The following ZC3H12B variants were observed in gnomAD, a reference collection of about 807,000 sequenced individuals.
ZC3H12B encodes zinc finger CCCH-type containing 12B, also known as probable ribonuclease ZC3H12B.
ZC3H12B carries 7 observed loss-of-function variants against 43.9 expected under a neutral mutation model. That is an observed-to-expected ratio of 0.16 (90% CI 0.09 to 0.30). The LOEUF (loss-of-function observed/expected upper bound fraction) is 0.30. Ranked by LOEUF, ZC3H12B falls within the 10% of genes least tolerant of loss-of-function variation. The probability of loss-of-function intolerance (pLI) is 1.00; values close to 1 mark genes in which losing one functional copy is unlikely to be tolerated. For synonymous variants in ZC3H12B, 222 were observed against 241.7 expected, an observed-to-expected ratio of 0.92 and a Z score of 0.76; for missense variants, 475 against 670.2, an observed-to-expected ratio of 0.71 and a Z score of 3.22.
At chrX:65,218,330 A>T in the ZC3H12B span, among the ~76,000 whole-genome samples, 1 of 112,382 alleles carries the variant, frequency 8.9e-6, no homozygotes, top group Admixed American at 9.4e-5. Flanking sequence ...CCTTTGAAGG[A>T]AGTGGATTGC....
rs148193430 is a variant in ZC3H12B, at chrX:65,422,359, G to A, written n.407+23655G>A. Among the ~76,000 whole-genome samples, 759 of 111,415 alleles carry A rather than the reference G, an allele frequency of 6.8e-3. 10 individuals are homozygous for A. The highest frequency in any genetic ancestry group is 0.023 in the African/African-American group (713 of 30,681). On this transcript the variant is annotated intron_variant and non_coding_transcript_variant, in intron 3 of 5. Coordinates refer to the ZC3H12B transcript ENST00000617377. ...TATTTCCATCAGGAGACACAATATC[G>A]ATTAGTTGTTAGGTGAAATTCTGAC...
At chrX:65,258,087 AG>A in the ZC3H12B span, among the ~76,000 whole-genome samples, 1 of 111,798 alleles carries the variant, frequency 8.9e-6, no homozygotes, top group Non-Finnish European at 1.9e-5. Context: ...ACACACAAAA[AG>A]GAAAACTTCA....
chrX:65,460,804 G>A (rs1205644285), intron 3 of ZC3H12B, among the ~76,000 whole-genome samples: 2 of 111,398 alleles, frequency 1.8e-5, no homozygotes, highest in Admixed American at 1.9e-4. Context: ...CATGGGCAAG[G>A]ACTTCATGTC....
chrX:65,231,129 C>T, the ZC3H12B span, among the ~76,000 whole-genome samples: 51 of 110,940 alleles, frequency 4.6e-4, no homozygotes, highest in East Asian at 2.8e-4. Flanking sequence ...GAGGTGCCAT[C>T]ACATATTGGT....
At chrX:65,452,240 C>T (rs1602466965) in intron 3 of ZC3H12B, among the ~76,000 whole-genome samples, 2 of 111,306 alleles carry the variant, frequency 1.8e-5, no homozygotes, top group South Asian at 7.6e-4. Context: ...GGAAGTCAAA[C>T]GATCACTGTT....
chrX:65,212,492 A>G, the ZC3H12B span, among the ~76,000 whole-genome samples: 14 of 69,059 alleles, frequency 2.0e-4, no homozygotes, highest in Non-Finnish European at 2.7e-4. Flanking sequence ...TATATATTAT[A>G]TAATATACAT....
At chrX:65,408,486 A>G in intron 3 of ZC3H12B, 1 of 1,210,479 alleles carries the variant, frequency 8.3e-7, no homozygotes, top group Non-Finnish European at 1.1e-6. Flanking sequence ...CATCTTTCTT[A>G]TGGCCACGGA....
chrX:65,458,138 C>G (rs1364543246), intron 3 of ZC3H12B, among the ~76,000 whole-genome samples: 1 of 86,840 alleles, frequency 1.2e-5, no homozygotes, highest in Admixed American at 1.3e-4. Flanking sequence ...GTAAAGGGAT[C>G]AATTCAACAA....
chrX:65,497,109 C>T, intron 1 of ZC3H12B, 23 bp from the exon 7 acceptor site: 2 of 1,184,110 alleles, frequency 1.7e-6, no homozygotes, highest in Non-Finnish European at 2.3e-6. Flanking sequence ...ATCTTCTCTC[C>T]TCTTATTCTG....
chrX:65,112,258 G>A, the ZC3H12B span, among the ~76,000 whole-genome samples: 31 of 111,555 alleles, frequency 2.8e-4, no homozygotes, highest in African/African-American at 8.8e-4. Context: ...AAGAAACTGC[G>A]GAATAAAAAT....
At chrX:65,094,344 G>A in the ZC3H12B span, among the ~76,000 whole-genome samples, 2 of 108,600 alleles carry the variant, frequency 1.8e-5, no homozygotes, top group Non-Finnish European at 3.8e-5. Context: ...TGGGGATGAA[G>A]ATAATGAAAA....
chrX:65,217,365 G>T, the ZC3H12B span, among the ~76,000 whole-genome samples: 2 of 111,451 alleles, frequency 1.8e-5, no homozygotes, highest in Admixed American at 1.9e-4. Flanking sequence ...AAACTGTGAA[G>T]ACTGGAATAA....
intron 3 of ZC3H12B, among the ~76,000 whole-genome samples, chrX:65,451,427 T>C (rs891341100): frequency 2.7e-5 from 3 of 111,843 alleles, no homozygotes; most frequent in African/African-American, 9.7e-5. Flanking sequence ...TTAGGATCAG[T>C]GTCTAGAGAT....
At chrX:65,335,381 C>A in the ZC3H12B span, among the ~76,000 whole-genome samples, 1 of 111,790 alleles carries the variant, frequency 8.9e-6, no homozygotes, top group Non-Finnish European at 1.9e-5. Flanking sequence ...TTTAGCCAGG[C>A]CAAACAGCCA....
At chrX:65,281,906 G>T in the ZC3H12B span, among the ~76,000 whole-genome samples, 2 of 111,628 alleles carry the variant, frequency 1.8e-5, no homozygotes, top group Non-Finnish European at 3.8e-5. Context: ...TGTTAAGAAA[G>T]TTCAACAATC....
At chrX:65,090,300 T>C in the ZC3H12B span, among the ~76,000 whole-genome samples, 2 of 111,554 alleles carry the variant, frequency 1.8e-5, no homozygotes, top group South Asian at 7.6e-4. Context: ...TGGTCCATCA[T>C]TGACTGAAAC....
the ZC3H12B span, among the ~76,000 whole-genome samples, chrX:65,176,966 GAAAC>G: frequency 8.9e-6 from 1 of 111,877 alleles, no homozygotes; most frequent in Non-Finnish European, 1.9e-5. Context: ...ATCTGGCAAA[GAAAC>G]AACAACAACA....
At chrX:65,489,518 G>A (rs922080651) in intron 1 of ZC3H12B, 109 bp downstream of exon 6, 24 of 944,474 alleles carry the variant, frequency 2.5e-5, no homozygotes, top group East Asian at 9.9e-5. Context: ...TGACTGTGGC[G>A]TGTGTTTCTG....
chrX:65,167,445 G>A, the ZC3H12B span, among the ~76,000 whole-genome samples: 212 of 111,749 alleles, frequency 1.9e-3, no homozygotes, highest in Non-Finnish European at 2.8e-3. Context: ...GGTTACTGTA[G>A]CCTTGTAGTG....
Sources: gnomAD v4.1 joint callset for allele counts (sites outside exome capture counted in the v4.1 genomes callset) on GRCh38, gnomAD v4.1.1 for gene constraint, MANE v1.5 for transcripts, NCBI Gene and HGNC (gene_info 2026-07-23, HGNC 2026-07-21) for gene names.